The following ANAPC1 variants were observed in gnomAD, a reference collection of about 807,000 sequenced individuals.
ANAPC1 encodes anaphase promoting complex subunit 1, also known as anaphase-promoting complex subunit 1.
ANAPC1 carries 36 observed loss-of-function variants against 208.0 expected under a neutral mutation model. That is an observed-to-expected ratio of 0.17 (90% CI 0.13 to 0.23). The LOEUF is 0.23. Among genes scored for constraint, ANAPC1 ranks in the 10% least tolerant of loss-of-function variants. The pLI is 1.00. For synonymous variants in ANAPC1, 378 were observed against 695.2 expected (o/e 0.54, Z 7.18); for missense variants, 942 against 2,011.6 (o/e 0.47, Z 10.17).
intron 13 of ANAPC1, among the ~76,000 whole-genome samples, chr2:111,853,741 G>T (rs1012236731): frequency 9.9e-5 from 15 of 151,536 alleles, no homozygotes; most frequent in African/African-American, 3.6e-4. Flanking sequence ...TTTTGAGATG[G>T]AGTCTCCCTC....
chr2:111,792,822 G>T (rs533956407), intron 37 of ANAPC1, among the ~76,000 whole-genome samples: 174 of 152,102 alleles, frequency 1.1e-3, no homozygotes, highest in South Asian at 2.9e-3. Flanking sequence ...GCGTGGTGGC[G>T]GGCGCCTGTG....
chr2:111,775,347 C>T (rs1573296903), intron 46 of ANAPC1, among the ~76,000 whole-genome samples: 1 of 152,286 alleles, frequency 6.6e-6, no homozygotes, highest in South Asian at 2.1e-4. Flanking sequence ...AATGGGTTAT[C>T]TCAGATCTAA....
rs1224260429 is a variant in ANAPC1 at position 111,859,973 on chromosome 2, T to C, written c.1263-1572A>G. Among the ~76,000 whole-genome samples the C allele has an allele frequency of 2.6e-5, 4 of 152,150 alleles. No homozygotes were observed. In the East Asian group the frequency reaches 7.7e-4, roughly 29 times the overall value. ...ATATAAAAGACCTTCTCAATTCGAC[T>C]GGATATAAAACTTGTATTGTGGTTA... On this transcript the variant is annotated intron_variant, in intron 10 of 47. Coordinates refer to ENST00000341068, the MANE Select transcript of ANAPC1 (RefSeq NM_022662.4).
Position 111,863,815 on chromosome 2 carries a change from A to G in ANAPC1, c.912T>C (p.His304=), listed in dbSNP as rs762746379. 1 of 1,613,860 alleles carries G rather than the reference A, an allele frequency of 6.2e-7. No homozygotes were observed. The highest frequency in any genetic ancestry group is 8.5e-7 in the Non-Finnish European group (1 of 1,179,848). ...AATCTCCTTTGGAGAGGCTTCTGAG[A>G]TGTGCTGTGAGGGAGCTGCTAGTGG... ...NVATSSSLTA[H]LRSLSKGDSP... is the part of the protein sequence containing the mutation. The change falls in exon 9 of 48, where the codon CAT becomes CAC. Residue 304 remains histidine, a synonymous_variant. Coordinates refer to ENST00000341068, the MANE Select transcript of ANAPC1 (RefSeq NM_022662.4).
intron 21 of ANAPC1, among the ~76,000 whole-genome samples, chr2:111,827,335 A>C (rs1265946244): frequency 6.6e-6 from 1 of 152,222 alleles, no homozygotes; most frequent in Non-Finnish European, 1.5e-5. Flanking sequence ...TAAATGAGAA[A>C]ACATACATAA....
intron 6 of ANAPC1, among the ~76,000 whole-genome samples, chr2:111,871,322 T>C (rs1230261611): frequency 6.6e-6 from 1 of 152,210 alleles, no homozygotes. Flanking sequence ...TCATGGGATG[T>C]GTTACCATTT....
Position 111,838,424 on chromosome 2 carries a change from A to G in ANAPC1, c.2115+14T>C. 6.3e-7 allele frequency: 1 copy of G among 1,582,140 alleles called. No homozygotes were observed. The highest frequency in any genetic ancestry group is 2.3e-5 in the East Asian group (1 of 44,346). On this transcript the variant is annotated intron_variant, in intron 18 of 47. Coordinates refer to ENST00000341068, the MANE Select transcript of ANAPC1 (RefSeq NM_022662.4). Reference sequence around the variant, plus strand: ...ATAAATTAATTTATATTAGCAAGAAATAATAATGCTTACATCATCAGATCC... The same window carrying G: ...ATAAATTAATTTATATTAGCAAGAAGTAATAATGCTTACATCATCAGATCC...
intron 39 of ANAPC1, among the ~76,000 whole-genome samples, chr2:111,787,660 T>C (rs1677637485): frequency 6.6e-6 from 1 of 152,088 alleles, no homozygotes; most frequent in African/African-American, 2.4e-5. Context: ...ACTTAAGTGT[T>C]GGTGGTTCCT....
chr2:111,795,029 A>C, intron 34 of ANAPC1, 135 bp from the exon 35 acceptor site: 1 of 1,004,632 alleles, frequency 1.0e-6, no homozygotes. Context: ...TTCACTCAAA[A>C]GCCTATATTT....
chr2:111,768,135 A>C lies in ANAPC1; in HGVS notation c.*1156T>G, dbSNP rs1676531751. 6.6e-6 allele frequency: 1 copy of C among 152,252 alleles called. No individual in the cohort carries two copies. Among genetic ancestry groups the C allele is most frequent in the Non-Finnish European group, 1.5e-5 (1 of 68,058 alleles). The allele number at this position is 152,252 out of a possible 1,614,324, so 9.4% of individuals were successfully genotyped here. ...CTTATGATCCCACTGGCCATCCAGG[A>C]AGCACAGGACACATATCAGCATCTG... is the stretch of plus-strand genomic sequence containing the variant. On this transcript the variant is annotated 3_prime_UTR_variant, in exon 48 of 48. Coordinates refer to ENST00000341068, the MANE Select transcript of ANAPC1 (RefSeq NM_022662.4).
At chr2:111,872,754 C>T (rs1191547135) in intron 5 of ANAPC1, 42 bp from the exon 6 acceptor site, 2 of 1,261,822 alleles carry the variant, frequency 1.6e-6, no homozygotes, top group South Asian at 2.5e-5. Flanking sequence ...GTAAGAGAAC[C>T]TACCCCTTTA....
intron 17 of ANAPC1, among the ~76,000 whole-genome samples, chr2:111,839,582 T>G (rs2104484220): frequency 6.6e-6 from 1 of 152,298 alleles, no homozygotes; most frequent in East Asian, 1.9e-4. Flanking sequence ...AGCAATAAAG[T>G]GATATTTAAA....
downstream of ANAPC1, chr2:111,767,616 G>A (rs1676508596): frequency 7.1e-6 from 1 of 140,648 alleles, no homozygotes; most frequent in Admixed American, 7.2e-5. Context: ...TTAGGTATGA[G>A]TTAATATGTG....
chr2:111,792,857 G>T (rs1677956491), intron 37 of ANAPC1, among the ~76,000 whole-genome samples: 1 of 152,144 alleles, frequency 6.6e-6, no homozygotes, highest in Non-Finnish European at 1.5e-5. Context: ...GGAGGCTGAG[G>T]CAGAAGAATG....
At position 111,847,068 on chromosome 2, in the gene ANAPC1, T is replaced by C. The variant is rs1163051559; in HGVS notation, c.1852+70A>G. On this transcript the variant is annotated intron_variant, in intron 16 of 47. Coordinates refer to ENST00000341068, the MANE Select transcript of ANAPC1 (RefSeq NM_022662.4). The stretch of plus-strand genomic sequence containing the variant: ...TGGCTTCAAAAATGGCAAAATAATG[T>C]TTAAAACCCCAATTATTAATGTAAA... 8.3e-6 allele frequency: 11 copies of C among 1,332,716 alleles called. No individual in the cohort carries two copies. The East Asian group carries it at 2.5e-4, about 31-fold the overall frequency. The allele number at this position is 1,332,716 out of a possible 1,614,324, so 82.6% of individuals were successfully genotyped here.
intron 21 of ANAPC1, among the ~76,000 whole-genome samples, chr2:111,827,190 T>C (rs1185415164): frequency 6.6e-6 from 1 of 152,064 alleles, no homozygotes; most frequent in African/African-American, 2.4e-5. Context: ...CTAAGAAGTA[T>C]CTAGTAGTAC....
At chr2:111,789,085 C>G (rs1226952128) in intron 38 of ANAPC1, among the ~76,000 whole-genome samples, 8 of 152,232 alleles carry the variant, frequency 5.3e-5, no homozygotes, top group Non-Finnish European at 1.0e-4. Context: ...TTGCAGTGAG[C>G]CGAGATCGCG....
intron 29 of ANAPC1, among the ~76,000 whole-genome samples, 187 bp from the exon 30 acceptor site, chr2:111,806,080 A>C (rs907560412): frequency 2.6e-5 from 4 of 151,758 alleles, no homozygotes; most frequent in Non-Finnish European, 5.9e-5. Flanking sequence ...AAAAGGGCCC[A>C]AAATAGTTCT....
chr2:111,789,826 G>A (rs1382343302), intron 38 of ANAPC1, among the ~76,000 whole-genome samples: 2 of 152,208 alleles, frequency 1.3e-5, no homozygotes, highest in Non-Finnish European at 2.9e-5. Flanking sequence ...GAAGAGCGAG[G>A]AGAGTCATAC....
Sources: gnomAD v4.1 joint callset for allele counts (sites outside exome capture counted in the v4.1 genomes callset) on GRCh38, gnomAD v4.1.1 for gene constraint, MANE v1.5 for transcripts, NCBI Gene and HGNC (gene_info 2026-07-23, HGNC 2026-07-21) for gene names.